The following MEIS2 variants were observed in gnomAD, a reference collection of about 807,000 sequenced individuals.
The protein encoded by MEIS2 is Meis homeobox 2, also known as homeobox protein Meis2.
A neutral mutation model predicts 58.6 loss-of-function variants in MEIS2; 9 were observed. That is an observed-to-expected ratio of 0.15 (90% CI 0.09 to 0.27). The LOEUF (loss-of-function observed/expected upper bound fraction) is 0.27. Ranked by LOEUF, MEIS2 falls within the 10% of genes least tolerant of loss-of-function variation. The probability of loss-of-function intolerance (pLI) is 1.00; values close to 1 mark genes in which losing one functional copy is unlikely to be tolerated. For missense variants in MEIS2, 427 were observed against 635.0 expected (o/e 0.67, Z 3.52); for synonymous variants, 221 against 228.4 (o/e 0.97, Z 0.29).
At chr15:37,047,275 T>C (rs1000174346) in intron 7 of MEIS2, among the ~76,000 whole-genome samples, 1 of 152,286 alleles carries the variant, frequency 6.6e-6, no homozygotes, top group Admixed American at 6.5e-5. Context: ...CAACTTGCAC[T>C]ACACTACCTA....
rs1175066393 is a variant in MEIS2 at position 37,098,083 on chromosome 15, C to T, written c.129G>A (p.Pro43=). 2.5e-6 allele frequency: 4 copies of T among 1,613,588 alleles called. No individual in the cohort carries two copies. The South Asian group carries it at 4.4e-5, about 18-fold the overall frequency. The part of the protein sequence containing the change: ...IPPVHHLNHG[P]PLHATQHYGA... ...CGTAGTGCTGTGTGGCGTGGAGCGG[C>T]GGCCCGTGGTTCAGGTGGTGAACCG... Residue 43 remains proline, a synonymous_variant, in exon 2 of 12, where the codon CCG becomes CCA. Transcript: ENST00000561208.
At chr15:37,037,742 A>T (rs2062224211) in intron 7 of MEIS2, among the ~76,000 whole-genome samples, 1 of 152,262 alleles carries the variant, frequency 6.6e-6, no homozygotes, top group South Asian at 2.1e-4. Flanking sequence ...TATGTATCTG[A>T]AAAACTCTTC....
chr15:36,902,994 C>T (rs2141243340), intron 9 of MEIS2, among the ~76,000 whole-genome samples: 1 of 152,030 alleles, frequency 6.6e-6, no homozygotes, highest in East Asian at 1.9e-4. Context: ...TATTTTTATA[C>T]ATAAAAGAAT....
At chr15:36,921,498 G>A (rs1288700915) in intron 9 of MEIS2, among the ~76,000 whole-genome samples, 2 of 152,142 alleles carry the variant, frequency 1.3e-5, no homozygotes, top group East Asian at 3.9e-4. Flanking sequence ...AAACACCAAA[G>A]CGCTTAGTAG....
intron 7 of MEIS2, among the ~76,000 whole-genome samples, chr15:37,056,927 C>A (rs1596031592): frequency 6.6e-6 from 1 of 152,190 alleles, no homozygotes; most frequent in Admixed American, 6.5e-5. Context: ...GCCTTAACGC[C>A]CTCCCTCCCA....
chr15:36,981,578 G>A (rs1462588528), intron 8 of MEIS2, among the ~76,000 whole-genome samples: 1 of 151,892 alleles, frequency 6.6e-6, no homozygotes, highest in Non-Finnish European at 1.5e-5. Context: ...GTGAGTGGGC[G>A]TGTGTGTGTG....
rs148513868 is a variant in MEIS2, at chr15:36,979,212, A to G, written c.901-28812T>C. Among the ~76,000 whole-genome samples, 623 of 152,334 alleles carry G rather than the reference A, an allele frequency of 4.1e-3. 2 individuals are homozygous for G. Among genetic ancestry groups the G allele is most frequent in the African/African-American group, 0.014 (597 of 41,580 alleles). ...CATAAAATTATTTAAAACATTGTAT[A>G]AAATTACCTTCAGGATATTTGAATA... On this transcript the variant is annotated intron_variant, in intron 8 of 11. Coordinates refer to ENST00000561208, the MANE Select transcript of MEIS2 (RefSeq NM_170675.5).
At chr15:36,909,891 T>A (rs12903714) in intron 9 of MEIS2, among the ~76,000 whole-genome samples, 1 of 148,834 alleles carries the variant, frequency 6.7e-6, no homozygotes, top group African/African-American at 2.5e-5. Flanking sequence ...GGATAGAGAA[T>A]AGAAAGCGAA....
intron 8 of MEIS2, among the ~76,000 whole-genome samples, chr15:37,020,380 C>T (rs559198047): frequency 3.3e-5 from 5 of 152,168 alleles, no homozygotes; most frequent in Admixed American, 1.3e-4. Flanking sequence ...GCTGGTTGGG[C>T]GCCGAAGCAT....
chr15:36,904,150 T>C (rs1269395373), intron 9 of MEIS2: 1 of 152,150 alleles, frequency 6.6e-6, no homozygotes, highest in Admixed American at 6.5e-5. Context: ...TCTTCCGTTC[T>C]ATTTTACTTT....
chr15:37,083,168 G>T (rs1350087125), intron 7 of MEIS2, among the ~76,000 whole-genome samples: 1 of 152,136 alleles, frequency 6.6e-6, no homozygotes, highest in African/African-American at 2.4e-5. Context: ...AACATCTGCA[G>T]TTGATGTCCC....
intron 9 of MEIS2, among the ~76,000 whole-genome samples, chr15:36,945,847 T>A (rs1371085599): frequency 6.6e-6 from 1 of 152,008 alleles, no homozygotes; most frequent in Non-Finnish European, 1.5e-5. Context: ...TTCAGTTTCA[T>A]GCTTTTTTAT....
chr15:37,028,161 A>G (rs954852543), intron 8 of MEIS2, among the ~76,000 whole-genome samples: 1 of 152,210 alleles, frequency 6.6e-6, no homozygotes, highest in Admixed American at 6.5e-5. Flanking sequence ...TTCTCAGTCT[A>G]TCTGAGGTGA....
intron 9 of MEIS2, among the ~76,000 whole-genome samples, chr15:36,910,875 T>A (rs977292899): frequency 6.6e-6 from 1 of 152,038 alleles, no homozygotes; most frequent in Non-Finnish European, 1.5e-5. Context: ...TGAAACCCTG[T>A]CTCTACTAAA....
In MEIS2 at chr15:36,971,536, T is replaced by TAAAAAAAAAAAAAAAAAAAAAAAA. The variant is rs1567126001; in HGVS notation, c.901-21137_901-21136insTTTTTTTTTTTTTTTTTTTTTTTT. 1.6e-3 allele frequency among the ~76,000 whole-genome samples: 106 copies of TAAAAAAAAAAAAAAAAAAAAAAAA among 65,412 alleles called. 27 individuals carry two copies. The highest frequency in any genetic ancestry group is 2.6e-3 in the Admixed American group (13 of 5,080). 42.9% of individuals were successfully genotyped at this position (65,412 alleles called of 152,430 possible). On this transcript the variant is annotated intron_variant, in intron 8 of 11. Transcript: ENST00000561208. ...TGTATTACTTGTATGCCTTGTTACA[T>TAAAAAAAAAAAAAAAAAAAAAAAA]TAAAAAAAAAAAAAAAAAAAAAAAA...
At chr15:36,951,729 G>A (rs1423842899) in intron 8 of MEIS2, among the ~76,000 whole-genome samples, 1 of 152,116 alleles carries the variant, frequency 6.6e-6, no homozygotes, top group Non-Finnish European at 1.5e-5. Context: ...GAGTTAATAT[G>A]GGTTAAGCAT....
intron 9 of MEIS2, among the ~76,000 whole-genome samples, chr15:36,904,639 T>C (rs1031304698): frequency 9.7e-4 from 22 of 22,730 alleles, no homozygotes; most frequent in African/African-American, 3.9e-3. Context: ...CATTTTCTTC[T>C]TTTTTTTTTT....
intron 8 of MEIS2, among the ~76,000 whole-genome samples, chr15:36,952,607 C>CTCTCTGTGTGTGTG (rs1490440825): frequency 5.7e-5 from 8 of 139,994 alleles, no homozygotes; most frequent in East Asian, 4.3e-4. Context: ...GTCTCTCTCT[C>CTCTCTGTGTGTGTG]TGTGTGTGTG....
chr15:36,910,005 C>T (rs987462335), intron 9 of MEIS2, among the ~76,000 whole-genome samples: 16 of 152,018 alleles, frequency 1.1e-4, no homozygotes, highest in Non-Finnish European at 1.8e-4. Flanking sequence ...CAGTTTGAGG[C>T]CAGCCTGGGC....
Sources: allele counts gnomAD v4.1 joint callset (sites outside exome capture counted in the v4.1 genomes callset), GRCh38; gene constraint gnomAD v4.1.1; transcripts MANE v1.5; gene names NCBI Gene and HGNC (gene_info 2026-07-23, HGNC 2026-07-21).